The following PAK5 variants were observed in gnomAD, a reference collection of about 807,000 sequenced individuals.
PAK5 encodes serine/threonine-protein kinase PAK 5.
PAK5 carries 16 observed loss-of-function variants against 65.9 expected under a neutral mutation model. That is an observed-to-expected ratio of 0.24 (90% CI 0.16 to 0.37). The LOEUF (loss-of-function observed/expected upper bound fraction) is 0.37, where lower values mean the gene tolerates loss of function less well. PAK5 is among the 10% of genes least tolerant of loss of function. The probability of loss-of-function intolerance (pLI) is 1.00; values close to 1 mark genes in which losing one functional copy is unlikely to be tolerated. For missense variants in PAK5, 785 were observed against 903.9 expected, an observed-to-expected ratio of 0.87 and a Z score of 1.69; for synonymous variants, 371 against 354.9, an observed-to-expected ratio of 1.05 and a Z score of -0.51.
chr20:9,700,775 A>G (rs979541091), intron 2 of PAK5, among the ~76,000 whole-genome samples: 1 of 152,190 alleles, frequency 6.6e-6, no homozygotes, highest in African/African-American at 2.4e-5. Flanking sequence ...AAACTCATCC[A>G]TCTCAAGCTA....
intron 7 of PAK5, among the ~76,000 whole-genome samples, chr20:9,552,995 G>A (rs1262760786): frequency 6.6e-6 from 1 of 152,044 alleles, no homozygotes; most frequent in Admixed American, 6.6e-5. Flanking sequence ...CCAAAGTGCT[G>A]AGATTACAGA....
At position 9,715,677 on chromosome 20, in the gene PAK5, A is replaced by C. The variant is rs547747152; in HGVS notation, c.-161-4242T>G. On this transcript the variant is annotated intron_variant, in intron 1 of 9. Transcript: ENST00000353224. Reference sequence around the variant, plus strand: ...TCCAACAATGATAGACAGAATTAAGAAAATGTGGCACATATACACCATGGA... The same window carrying C: ...TCCAACAATGATAGACAGAATTAAGCAAATGTGGCACATATACACCATGGA... Among the ~76,000 whole-genome samples the C allele has an allele frequency of 4.3e-4, 65 of 152,164 alleles. 1 individual carries two copies. In the South Asian group the frequency reaches 0.013, roughly 30 times the overall value.
intron 2 of PAK5, among the ~76,000 whole-genome samples, chr20:9,675,143 G>T (rs887822566): frequency 6.6e-6 from 1 of 152,152 alleles, no homozygotes; most frequent in Non-Finnish European, 1.5e-5. Flanking sequence ...AGAATTGCAA[G>T]GCTATGGAGA....
intron 5 of PAK5, among the ~76,000 whole-genome samples, chr20:9,564,331 A>C (rs2045638635): frequency 6.6e-6 from 1 of 152,220 alleles, no homozygotes; most frequent in African/African-American, 2.4e-5. Context: ...AAATATACAG[A>C]GAAGGGTTAA....
At chr20:9,831,070 A>G (rs556572153) in intron 1 of PAK5, among the ~76,000 whole-genome samples, 1 of 152,362 alleles carries the variant, frequency 6.6e-6, no homozygotes, top group East Asian at 1.9e-4. Flanking sequence ...GTGTGGGGGA[A>G]GAACCCCAAG....
At chr20:9,718,552 C>A (rs2048177433) in intron 1 of PAK5, among the ~76,000 whole-genome samples, 1 of 151,854 alleles carries the variant, frequency 6.6e-6, no homozygotes, top group Admixed American at 6.6e-5. Flanking sequence ...TGAGTTCTAG[C>A]CAAATAAACT....
intron 3 of PAK5, among the ~76,000 whole-genome samples, chr20:9,598,724 A>G (rs1444993123): frequency 6.6e-6 from 1 of 152,018 alleles, no homozygotes; most frequent in African/African-American, 2.4e-5. Context: ...GTTGAGCTTT[A>G]TTTCATATGC....
At chr20:9,641,512 G>C (rs1320630975) in intron 3 of PAK5, among the ~76,000 whole-genome samples, 3 of 149,140 alleles carry the variant, frequency 2.0e-5, no homozygotes, top group Admixed American at 1.4e-4. Context: ...AGACTCAGGA[G>C]CCCAGCTGGC....
intron 3 of PAK5, among the ~76,000 whole-genome samples, chr20:9,625,853 G>A (rs1011852356): frequency 2.0e-5 from 3 of 152,114 alleles, no homozygotes; most frequent in Non-Finnish European, 4.4e-5. Context: ...AATCTGAAGC[G>A]CAGCTGATGG....
At chr20:9,830,955 G>A (rs1978665234) in intron 1 of PAK5, among the ~76,000 whole-genome samples, 1 of 152,122 alleles carries the variant, frequency 6.6e-6, no homozygotes, top group Non-Finnish European at 1.5e-5. Context: ...GTTTGGTTTT[G>A]GCTTTTTAGC....
At chr20:9,779,351 AATATAT>A (rs925864795) in intron 1 of PAK5, among the ~76,000 whole-genome samples, 1 of 103,436 alleles carries the variant, frequency 9.7e-6, no homozygotes, top group South Asian at 3.7e-4. Flanking sequence ...ACATTTGTCT[AATATAT>A]ATATATATCT....
intron 3 of PAK5, among the ~76,000 whole-genome samples, chr20:9,607,796 T>C (rs2046482190): frequency 6.6e-6 from 1 of 151,326 alleles, no homozygotes; most frequent in Non-Finnish European, 1.5e-5. Flanking sequence ...GCCACTGCCC[T>C]CCAGCCTGGG....
At chr20:9,719,062 A>G (rs1318144870) in intron 1 of PAK5, among the ~76,000 whole-genome samples, 1 of 152,048 alleles carries the variant, frequency 6.6e-6, no homozygotes, top group African/African-American at 2.4e-5. Context: ...AGAGCTCAGC[A>G]TTTTTTCTTT....
intron 2 of PAK5, among the ~76,000 whole-genome samples, chr20:9,655,145 T>C (rs2047250307): frequency 6.6e-6 from 1 of 152,224 alleles, no homozygotes; most frequent in African/African-American, 2.4e-5. Flanking sequence ...AAAATGTATG[T>C]CTGTATTATG....
intron 1 of PAK5, among the ~76,000 whole-genome samples, chr20:9,754,974 T>C (rs540261818): frequency 5.5e-4 from 84 of 152,300 alleles, no homozygotes; most frequent in Admixed American, 3.2e-3. Flanking sequence ...GGAAATTAAA[T>C]CTGTGAAAAT....
In PAK5 at chr20:9,544,375, C is replaced by A. The variant is rs953988387; in HGVS notation, c.1863G>T (p.Gly621=). Residue 621 remains glycine, a synonymous_variant, in exon 8 of 10, where the codon GGG becomes GGT. Transcript: ENST00000353224. ...ATGACTGTGACCCCCTTACCTCTGT[C>A]CCATAAGGTAGCCTAGAAATCACCT... The part of the protein sequence containing the change: ...APEVISRLPY[G]TEVDIWSLGI... The A allele has an allele frequency of 6.2e-7, 1 of 1,613,956 alleles. No individual in the cohort carries two copies. Among genetic ancestry groups the A allele is most frequent in the African/African-American group, 1.3e-5 (1 of 75,052 alleles).
At chr20:9,750,612 T>C (rs2048564759) in intron 1 of PAK5, among the ~76,000 whole-genome samples, 1 of 152,154 alleles carries the variant, frequency 6.6e-6, no homozygotes, top group Non-Finnish European at 1.5e-5. Flanking sequence ...TCTGGAAGAA[T>C]AAAGTAATTT....
Position 9,565,884 on chromosome 20 carries a change from A to G in PAK5, c.1482+9T>C, listed in dbSNP as rs1171665914. On this transcript the variant is annotated intron_variant, in intron 5 of 9. Coordinates refer to ENST00000353224, the MANE Select transcript of PAK5 (RefSeq NM_177990.4). ...AGGAGAGAAAGGATGACCCAAACAC[A>G]CTCTTTACCTCATTGAAAAGCAGTT... is the stretch of plus-strand genomic sequence containing the variant. 8 of 1,600,276 alleles carry G rather than the reference A, an allele frequency of 5.0e-6. No homozygotes were observed. The South Asian group carries it at 7.8e-5, about 16-fold the overall frequency.
At chr20:9,795,693 G>A (rs181725039) in intron 1 of PAK5, among the ~76,000 whole-genome samples, 43 of 152,026 alleles carry the variant, frequency 2.8e-4, no homozygotes, top group African/African-American at 8.7e-4. Flanking sequence ...AGGAATACAT[G>A]GAACTTATAA....
Sources: allele counts gnomAD v4.1 joint callset (sites outside exome capture counted in the v4.1 genomes callset), GRCh38; gene constraint gnomAD v4.1.1; transcripts MANE v1.5; gene names NCBI Gene and HGNC (gene_info 2026-07-23, HGNC 2026-07-21).